The following TASOR2 variants were observed in gnomAD, a reference collection of about 807,000 sequenced individuals.
TASOR2 encodes the protein transcription activation suppressor family member 2, also known as protein TASOR 2.
Under a neutral mutation model 199.5 loss-of-function variants are expected in TASOR2, and 84 were observed. The observed-to-expected ratio is 0.42, with a 90% confidence interval of 0.35 to 0.50. TASOR2 has a LOEUF of 0.50. Among genes scored for constraint, TASOR2 ranks in the 20% least tolerant of loss-of-function variants. The pLI, the probability that TASOR2 is intolerant of heterozygous loss-of-function variation, is 0.02. For synonymous variants in TASOR2, 1,103 were observed against 1,046.6 expected (o/e 1.05, Z -1.04); for missense variants, 2,796 against 2,835.9 (o/e 0.99, Z 0.32).
intron 10 of TASOR2, among the ~76,000 whole-genome samples, chr10:5,727,653 AG>A (rs1196467700): frequency 6.6e-6 from 1 of 152,092 alleles, no homozygotes; most frequent in African/African-American, 2.4e-5. Context: ...AATGACTCTA[AG>A]AGGGCTGGGA....
rs7087550 is a variant in TASOR2 at position 5,735,931 on chromosome 10, A to G, written c.1447+385A>G. ...TAAGTTTATCTAAAGGGAATTATAA[A>G]CAGACTGTCCAAAACTGTCAGTAAT... is the stretch of plus-strand genomic sequence containing the variant. On this transcript the variant is annotated intron_variant, in intron 12 of 20. Coordinates refer to ENST00000328090, the Ensembl canonical transcript of TASOR2. Among the ~76,000 whole-genome samples, 1,449 of 152,320 alleles carry G rather than the reference A, an allele frequency of 9.5e-3. 28 individuals carry two copies. The highest frequency in any genetic ancestry group is 0.033 in the African/African-American group (1,380 of 41,566).
chr10:5,735,719 A>C (rs1835479475), intron 12 of TASOR2, among the ~76,000 whole-genome samples, 173 bp downstream of exon 13: 1 of 152,202 alleles, frequency 6.6e-6, no homozygotes, highest in Non-Finnish European at 1.5e-5. Flanking sequence ...ATGTAAATAA[A>C]TTAGGAAGGT....
rs776477336 is a variant in TASOR2 at position 5,742,433 on chromosome 10, C to G, written c.2664C>G (p.Leu888=). The G allele has an allele frequency of 1.8e-5, 29 of 1,613,926 alleles. No individual in the cohort carries two copies. Among genetic ancestry groups the G allele is most frequent in the Middle Eastern group, 3.3e-4 (2 of 6,084 alleles). ...CACCACTTACCCAAGGCTTGGAACT[C>G]TGTGTACAAAATGAACAGAAAAAAA... Residue 888 remains leucine (L), a synonymous_variant, in exon 14 of 21, where the codon CTC becomes CTG. Transcript: ENST00000328090. The surrounding 1 kb of genome is among the most constrained non-coding windows in gnomAD (Gnocchi z 4.2).
rs1385354886 is a variant in TASOR2, at chr10:5,740,760, G to GT, written c.2327+264dup. On this transcript the variant is annotated intron_variant, in intron 13 of 20. Coordinates refer to ENST00000328090, the Ensembl canonical transcript of TASOR2. This position sits in a 1 kb window ranked among gnomAD's most constrained non-coding sequence, Gnocchi z 5.3. ...GCTTTCCATTTTGCAATGCTCCCTC[G>GT]TAAGCCCTTGTGGCTTTTGAATTTC... 2.0e-5 allele frequency among the ~76,000 whole-genome samples: 3 copies of GT among 152,172 alleles called. No homozygotes were observed. The highest frequency in any genetic ancestry group is 4.4e-5 in the Non-Finnish European group (3 of 68,034).
intron 1 of TASOR2, among the ~76,000 whole-genome samples, chr10:5,696,969 C>T (rs975808390): frequency 2.0e-5 from 3 of 151,910 alleles, no homozygotes; most frequent in African/African-American, 7.3e-5. Context: ...CAGAAGAGCA[C>T]AAGAATTAGA....
intron 12 of TASOR2, 105 bp from the exon 14 acceptor site, chr10:5,739,513 A>T: frequency 1.8e-6 from 2 of 1,089,716 alleles, no homozygotes; most frequent in Admixed American, 2.8e-5. Context: ...TATATGTTAC[A>T]TAAGTTTTTC....
chr10:5,714,230 A>G (rs1202195329), intron 2 of TASOR2, 23 bp downstream of exon 3: 5 of 1,223,620 alleles, frequency 4.1e-6, no homozygotes, highest in Non-Finnish European at 5.1e-6. Context: ...AGCAAAAAGA[A>G]TCTTAAAAAA....
rs1279918629 is a variant in TASOR2 at position 5,719,935 on chromosome 10, T to C, written c.-99-609T>C. ...TCAGTGACCGTAACATAAAAGATGG[T>C]GGGCTATAGTTTTTCTTTTAAGGAA... is the stretch of plus-strand genomic sequence containing the variant. On this transcript the variant is annotated intron_variant, in intron 3 of 20. Transcript: ENST00000328090. The surrounding 1 kb of genome is among the most constrained non-coding windows in gnomAD (Gnocchi z 4.1). Among the ~76,000 whole-genome samples the C allele has an allele frequency of 6.6e-6, 1 of 152,188 alleles. No individual in the cohort carries two copies. The highest frequency in any genetic ancestry group is 1.5e-5 in the Non-Finnish European group (1 of 68,026).
intron 2 of TASOR2, among the ~76,000 whole-genome samples, chr10:5,716,807 C>T (rs186311003): frequency 6.6e-6 from 1 of 151,810 alleles, no homozygotes. Context: ...CCCAGCTACT[C>T]AGGTGGCCAA....
At chr10:5,728,278 T>A (rs1834320215) in intron 10 of TASOR2, among the ~76,000 whole-genome samples, 4 of 150,446 alleles carry the variant, frequency 2.7e-5, no homozygotes, top group Admixed American at 2.6e-4. Flanking sequence ...TGTTTAAACA[T>A]AAAACTCTAT....
In TASOR2 at chr10:5,722,247, G is replaced by A. The variant is rs955041118; in HGVS notation, c.146+1277G>A. ...AGGCAGGAGGATTGCTTGAGTCCAGGAGTTTGAGACCAACCTGGGCAACAT... is the reference window on the plus strand; with the variant it reads ...AGGCAGGAGGATTGCTTGAGTCCAGAAGTTTGAGACCAACCTGGGCAACAT... On this transcript the variant is annotated intron_variant, in intron 6 of 20. Coordinates refer to ENST00000328090, the Ensembl canonical transcript of TASOR2. This position sits in a 1 kb window ranked among gnomAD's most constrained non-coding sequence, Gnocchi z 4.0. 6.6e-6 allele frequency among the ~76,000 whole-genome samples: 1 copy of A among 152,068 alleles called. No homozygotes were observed. The highest frequency in any genetic ancestry group is 1.5e-5 in the Non-Finnish European group (1 of 68,014).
At chr10:5,723,535 T>C (rs894685712) in intron 6 of TASOR2, 142 bp from the exon 8 acceptor site, 1 of 469,756 alleles carries the variant, frequency 2.1e-6, no homozygotes, top group Non-Finnish European at 3.8e-6. Context: ...AAAATACACA[T>C]ATTATTTAAC....
At chr10:5,697,233 G>T (rs1447719966) in intron 1 of TASOR2, among the ~76,000 whole-genome samples, 1 of 152,222 alleles carries the variant, frequency 6.6e-6, no homozygotes. Flanking sequence ...AAGAATGGGG[G>T]CAGAGAACGA....
At chr10:5,761,584 T>TG in intron 19 of TASOR2, 113 bp downstream of exon 20, 5 of 886,288 alleles carry the variant, frequency 5.6e-6, no homozygotes, top group Non-Finnish European at 6.9e-6. Flanking sequence ...TGGCATCCCA[T>TG]GGATACCAGA....
At chr10:5,746,690 C>T (rs750410233) in exon 15 of TASOR2, 5 of 1,614,146 alleles carry the variant, frequency 3.1e-6, no homozygotes, top group Non-Finnish European at 4.2e-6. Flanking sequence ...TCACCTGCTG[C>T]AAGCCTTAGA....
chr10:5,761,632 A>T, intron 19 of TASOR2, 161 bp downstream of exon 20: 1 of 626,504 alleles, frequency 1.6e-6, no homozygotes, highest in South Asian at 2.0e-5. Flanking sequence ...CCTTATATAA[A>T]ATGTAGTATT....
At chr10:5,696,892 G>A (rs896425629) in intron 1 of TASOR2, among the ~76,000 whole-genome samples, 7 of 152,106 alleles carry the variant, frequency 4.6e-5, no homozygotes, top group African/African-American at 1.7e-4. Flanking sequence ...TGCTGCGACA[G>A]AAGAAATTTC....
intron 11 of TASOR2, among the ~76,000 whole-genome samples, chr10:5,735,099 G>C (rs1276896904): frequency 6.6e-6 from 1 of 151,780 alleles, no homozygotes; most frequent in Non-Finnish European, 1.5e-5. Flanking sequence ...CAGACACTTA[G>C]CAAGTTCATA....
intron 1 of TASOR2, among the ~76,000 whole-genome samples, chr10:5,707,873 T>A (rs985148416): frequency 6.6e-6 from 1 of 152,292 alleles, no homozygotes. Context: ...CAATCCAATG[T>A]GTCTTTAACC....
Sources: allele counts gnomAD v4.1 joint callset (sites outside exome capture counted in the v4.1 genomes callset), GRCh38; gene constraint gnomAD v4.1.1; non-coding constraint Gnocchi (gnomAD v3.1); transcripts MANE v1.5; gene names NCBI Gene and HGNC (gene_info 2026-07-23, HGNC 2026-07-21).